Variants in PTPRR observed in about 807,000 individuals in gnomAD.
The protein encoded by PTPRR is protein tyrosine phosphatase receptor type R.
In PTPRR, 38 loss-of-function variants were observed where a neutral mutation model predicts 77.2. The ratio of observed to expected loss-of-function variants is 0.49; its 90% CI spans 0.38 to 0.65. The LOEUF is 0.65. Among genes scored for constraint, PTPRR ranks in the 30% least tolerant of loss-of-function variants. The pLI is 0.00. For synonymous variants in PTPRR, 299 were observed against 283.1 expected (o/e 1.06, Z -0.57); for missense variants, 744 against 799.2 (o/e 0.93, Z 0.83).
chr12:70,905,320 A>T (rs1434079663), intron 1 of PTPRR, among the ~76,000 whole-genome samples: 1 of 151,772 alleles, frequency 6.6e-6, no homozygotes. Flanking sequence ...GAGAATGGAG[A>T]GGAATTGAAA....
chr12:70,903,668 G>A (rs553337220), intron 1 of PTPRR, among the ~76,000 whole-genome samples: 2 of 151,852 alleles, frequency 1.3e-5, no homozygotes, highest in South Asian at 4.1e-4. Context: ...TATTACCTAA[G>A]GTTAGGCAAA....
At chr12:70,750,907 T>C (rs1476891925) in intron 5 of PTPRR, among the ~76,000 whole-genome samples, 30 of 71,830 alleles carry the variant, frequency 4.2e-4, no homozygotes, top group Admixed American at 1.4e-3. Context: ...TTTTAAACCC[T>C]TTTTTTTTTT....
intron 2 of PTPRR, among the ~76,000 whole-genome samples, chr12:70,859,111 T>C (rs937999688): frequency 1.3e-5 from 2 of 152,072 alleles, no homozygotes; most frequent in Non-Finnish European, 2.9e-5. Context: ...GACATCTAAA[T>C]AGATTTTAAC....
chr12:70,737,365 T>C (rs1889896646), intron 6 of PTPRR, among the ~76,000 whole-genome samples: 1 of 152,062 alleles, frequency 6.6e-6, no homozygotes, highest in South Asian at 2.1e-4. Flanking sequence ...AGAGCCCTTG[T>C]CTCAGGCTGT....
chr12:70,790,069 T>C (rs1025174934), intron 2 of PTPRR, among the ~76,000 whole-genome samples: 1 of 152,304 alleles, frequency 6.6e-6, no homozygotes, highest in African/African-American at 2.4e-5. Context: ...GCATCATTAG[T>C]TCACCCTTTC....
At chr12:70,728,871 C>T (rs1222891817) in intron 6 of PTPRR, among the ~76,000 whole-genome samples, 1 of 152,008 alleles carries the variant, frequency 6.6e-6, no homozygotes, top group Admixed American at 6.6e-5. Flanking sequence ...TATAGGAACC[C>T]AGTATAATAG....
intron 10 of PTPRR, among the ~76,000 whole-genome samples, chr12:70,669,315 C>A (rs1265293422): frequency 6.6e-6 from 1 of 151,902 alleles, no homozygotes; most frequent in Non-Finnish European, 1.5e-5. Context: ...ATATCACATC[C>A]ACTCAACCTC....
intron 8 of PTPRR, among the ~76,000 whole-genome samples, chr12:70,685,473 C>CAAAAAAAAAAAAAAAAA (rs61205959): frequency 1.8e-4 from 11 of 60,976 alleles, no homozygotes; most frequent in Admixed American, 4.1e-4. Context: ...GACTTCATCT[C>CAAAAAAAAAAAAAAAAA]AAAAAAAAAA....
At chr12:70,709,238 T>C (rs1337436150) in intron 6 of PTPRR, among the ~76,000 whole-genome samples, 1 of 152,004 alleles carries the variant, frequency 6.6e-6, no homozygotes, top group Non-Finnish European at 1.5e-5. Flanking sequence ...ACCATCTCAA[T>C]AGATACAGAA....
intron 5 of PTPRR, among the ~76,000 whole-genome samples, chr12:70,749,888 AC>A (rs1890334540): frequency 6.6e-6 from 1 of 152,212 alleles, no homozygotes; most frequent in Admixed American, 6.5e-5. Context: ...TTGTTAATAA[AC>A]CTGTAAGGAC....
At chr12:70,755,831 TC>T (rs1890549857) in intron 4 of PTPRR, among the ~76,000 whole-genome samples, 1 of 152,164 alleles carries the variant, frequency 6.6e-6, no homozygotes, top group Admixed American at 6.6e-5. Context: ...AAATTTTCTT[TC>T]ACCTCTTTGA....
chr12:70,891,169 A>G (rs1414754702), intron 2 of PTPRR, among the ~76,000 whole-genome samples: 2 of 152,042 alleles, frequency 1.3e-5, no homozygotes, highest in African/African-American at 4.8e-5. Context: ...TCAATCTCCA[A>G]ACCACAAATA....
At chr12:70,887,029 G>A (rs924538480) in intron 2 of PTPRR, among the ~76,000 whole-genome samples, 1 of 152,220 alleles carries the variant, frequency 6.6e-6, no homozygotes, top group African/African-American at 2.4e-5. Context: ...TGTCACCCTG[G>A]CTAGGTGTAA....
intron 2 of PTPRR, among the ~76,000 whole-genome samples, chr12:70,775,496 G>A (rs893376550): frequency 6.6e-6 from 1 of 152,196 alleles, no homozygotes; most frequent in Non-Finnish European, 1.5e-5. Context: ...ATTTTGTAAA[G>A]GATAATTGAA....
chr12:70,729,767 A>G (rs562285525), intron 6 of PTPRR, among the ~76,000 whole-genome samples: 22 of 152,240 alleles, frequency 1.4e-4, no homozygotes, highest in Non-Finnish European at 2.6e-4. Context: ...CCTTACCTCC[A>G]AGCAGCTTAC....
chr12:70,801,001 TA>T (rs1428866262), intron 2 of PTPRR, among the ~76,000 whole-genome samples: 1 of 152,170 alleles, frequency 6.6e-6, no homozygotes, highest in African/African-American at 2.4e-5. Flanking sequence ...TGGTATTCAT[TA>T]ACATGGAGAA....
At chr12:70,724,049 C>T (rs1889351195) in intron 6 of PTPRR, among the ~76,000 whole-genome samples, 1 of 152,060 alleles carries the variant, frequency 6.6e-6, no homozygotes, top group East Asian at 1.9e-4. Context: ...GCAAAATATG[C>T]TTTCTTTGAT....
At chr12:70,758,003 C>T (rs1181498699) in intron 4 of PTPRR, among the ~76,000 whole-genome samples, 2 of 152,202 alleles carry the variant, frequency 1.3e-5, no homozygotes, top group Non-Finnish European at 2.9e-5. Context: ...GGGGTGCCTG[C>T]TCACTACAGA....
chr12:70,879,386 T>A (rs17108956), intron 2 of PTPRR, among the ~76,000 whole-genome samples: 2,207 of 149,552 alleles, frequency 0.015, 59 homozygotes, highest in African/African-American at 0.051. Context: ...AATTTACAGA[T>A]CCTATTGTAA....
Sources: allele counts gnomAD v4.1 joint callset (sites outside exome capture counted in the v4.1 genomes callset), GRCh38; gene constraint gnomAD v4.1.1; transcripts MANE v1.5; gene names NCBI Gene and HGNC (gene_info 2026-07-23, HGNC 2026-07-21).